Variants in GRIK4 observed in about 807,000 individuals in gnomAD.
GRIK4 encodes glutamate receptor ionotropic, kainate 4.
Under a neutral mutation model 104.9 loss-of-function variants are expected in GRIK4, and 40 were observed. The ratio of observed to expected loss-of-function variants is 0.38; its 90% CI spans 0.30 to 0.50. The LOEUF is 0.50. Ranked by LOEUF, GRIK4 falls within the 20% of genes least tolerant of loss-of-function variation. The pLI, the probability that GRIK4 is intolerant of heterozygous loss-of-function variation, is 0.93. For missense variants in GRIK4, 1,047 were observed against 1,308.1 expected, an observed-to-expected ratio of 0.80 and a Z score of 3.08; for synonymous variants, 485 against 524.9, an observed-to-expected ratio of 0.92 and a Z score of 1.04.
At chr11:120,974,053 G>A (rs1016287630) in intron 19 of GRIK4, among the ~76,000 whole-genome samples, 5 of 151,988 alleles carry the variant, frequency 3.3e-5, no homozygotes, top group Admixed American at 6.6e-5. Context: ...GATTACAGGC[G>A]CATGCCACCA....
At chr11:120,636,275 G>A (rs1949395530) in intron 1 of GRIK4, among the ~76,000 whole-genome samples, 1 of 152,114 alleles carries the variant, frequency 6.6e-6, no homozygotes, top group Admixed American at 6.6e-5. Context: ...GTTCTCCTGG[G>A]AACCGTCTTC....
chr11:120,707,626 T>G (rs1950653207), intron 3 of GRIK4, among the ~76,000 whole-genome samples: 2 of 152,342 alleles, frequency 1.3e-5, no homozygotes, highest in East Asian at 3.9e-4. Flanking sequence ...TTGATTTAGC[T>G]TACAAATCTT....
intron 20 of GRIK4, 136 bp from the exon 21 acceptor site, chr11:120,985,768 G>A (rs1944731807): frequency 1.4e-6 from 1 of 717,458 alleles, no homozygotes. Flanking sequence ...TGGACTGAAA[G>A]GCTTTTATCA....
chr11:120,962,766 C>T, intron 18 of GRIK4, 85 bp downstream of exon 18: 1 of 817,772 alleles, frequency 1.2e-6, no homozygotes, highest in Non-Finnish European at 2.0e-6. Flanking sequence ...AGCATTGAAT[C>T]CAGTACCCCC....
chr11:120,710,614 G>A (rs61901382), intron 3 of GRIK4, among the ~76,000 whole-genome samples: 19,317 of 152,150 alleles, frequency 0.13, 1,313 homozygotes, highest in African/African-American at 0.15. Context: ...ATTGGAATGC[G>A]CCCTGCGGTT....
rs1308393979 is a variant in GRIK4 at position 120,905,073 on chromosome 11, G to A, written c.1273-217G>A. ...GACCCTCCATGCAGTGGGAACCACT[G>A]TGTGTTCCTGACAACAGAAGCACCT... is the stretch of plus-strand genomic sequence containing the variant. On this transcript the variant is annotated intron_variant, in intron 12 of 20. Coordinates refer to ENST00000527524, the MANE Select transcript of GRIK4 (RefSeq NM_014619.5). This position sits in a 1 kb window ranked among gnomAD's most constrained non-coding sequence, Gnocchi z 5.1. Among the ~76,000 whole-genome samples, 1 of 152,164 alleles carries A rather than the reference G, an allele frequency of 6.6e-6. No homozygotes were observed. The highest frequency in any genetic ancestry group is 1.5e-5 in the Non-Finnish European group (1 of 68,010).
chr11:120,520,166 T>C (rs931554890), intron 1 of GRIK4, among the ~76,000 whole-genome samples: 5 of 152,152 alleles, frequency 3.3e-5, no homozygotes, highest in African/African-American at 1.2e-4. Context: ...GTGCTGGGAT[T>C]ACAGGCATGA....
At chr11:120,831,718 C>T in intron 6 of GRIK4, 134 bp from the exon 7 acceptor site, 1 of 636,084 alleles carries the variant, frequency 1.6e-6, no homozygotes, top group Non-Finnish European at 2.8e-6. Flanking sequence ...GATCTGTCTC[C>T]TTAATGCTGT....
chr11:120,868,538 G>A (rs1054387220), intron 9 of GRIK4: 3 of 152,178 alleles, frequency 2.0e-5, no homozygotes, highest in Admixed American at 6.5e-5. Flanking sequence ...AATGGGGGGG[G>A]GGGCGGTGCC....
At chr11:120,909,601 C>A (rs567926718) in intron 13 of GRIK4, among the ~76,000 whole-genome samples, 5 of 152,114 alleles carry the variant, frequency 3.3e-5, no homozygotes, top group Non-Finnish European at 7.4e-5. Flanking sequence ...GACAGGGCTG[C>A]CCAACAGTTT....
At chr11:120,958,962 T>G (rs1379975079) in intron 16 of GRIK4, among the ~76,000 whole-genome samples, 1 of 152,082 alleles carries the variant, frequency 6.6e-6, no homozygotes, top group Non-Finnish European at 1.5e-5. Flanking sequence ...GAGCAGACCT[T>G]GGGCATGGAG....
intron 18 of GRIK4, among the ~76,000 whole-genome samples, chr11:120,966,783 G>T (rs929364382): frequency 2.0e-5 from 3 of 152,226 alleles, no homozygotes; most frequent in Non-Finnish European, 4.4e-5. Context: ...TTTGCAGCCA[G>T]CGTCCTGTGT....
chr11:120,977,868 G>C (rs930305624), intron 19 of GRIK4, among the ~76,000 whole-genome samples: 2 of 152,038 alleles, frequency 1.3e-5, no homozygotes, highest in African/African-American at 4.8e-5. Flanking sequence ...CAATACAGGC[G>C]GTCCATGTTG....
At chr11:120,584,095 G>A (rs1948624608) in intron 1 of GRIK4, among the ~76,000 whole-genome samples, 2 of 152,204 alleles carry the variant, frequency 1.3e-5, no homozygotes, top group South Asian at 4.1e-4. Flanking sequence ...TTGTTTAACA[G>A]CTCTAGGAGC....
intron 1 of GRIK4, among the ~76,000 whole-genome samples, chr11:120,621,047 T>C (rs1461222365): frequency 1.3e-5 from 2 of 152,178 alleles, no homozygotes; most frequent in Non-Finnish European, 2.9e-5. Flanking sequence ...TATTTAATCT[T>C]CGGGGATGGG....
chr11:120,813,229 A>T (rs1952864976), intron 4 of GRIK4, among the ~76,000 whole-genome samples: 1 of 152,124 alleles, frequency 6.6e-6, no homozygotes, highest in Admixed American at 6.5e-5. Flanking sequence ...GGAGACTTGA[A>T]TCCAGATGCC....
chr11:120,529,982 A>G (rs1166443456), intron 1 of GRIK4, among the ~76,000 whole-genome samples: 1 of 152,194 alleles, frequency 6.6e-6, no homozygotes, highest in African/African-American at 2.4e-5. Context: ...CTAGCATTAC[A>G]GCTCCACTTG....
intron 3 of GRIK4, among the ~76,000 whole-genome samples, chr11:120,706,958 C>T (rs115636713): frequency 6.6e-6 from 1 of 152,330 alleles, no homozygotes; most frequent in African/African-American, 2.4e-5. Flanking sequence ...GATACCATGT[C>T]AGGCACCATG....
intron 1 of GRIK4, among the ~76,000 whole-genome samples, chr11:120,530,400 AG>A (rs1420698221): frequency 6.6e-6 from 1 of 151,402 alleles, no homozygotes; most frequent in East Asian, 2.0e-4. Context: ...GGGTGGGGGT[AG>A]GGGGACTTAT....
Sources: gnomAD v4.1 joint callset for allele counts (sites outside exome capture counted in the v4.1 genomes callset) on GRCh38, gnomAD v4.1.1 for gene constraint, Gnocchi (gnomAD v3.1) non-coding constraint, MANE v1.5 for transcripts, NCBI Gene and HGNC (gene_info 2026-07-23, HGNC 2026-07-21) for gene names.